Variants in ASIC2 observed in about 807,000 individuals in gnomAD.
ASIC2 encodes the protein acid sensing ion channel subunit 2, also known as acid-sensing ion channel 2.
Under a neutral mutation model 57.3 loss-of-function variants are expected in ASIC2, and 25 were observed. That is an observed-to-expected ratio of 0.44 (90% CI 0.32 to 0.61). The LOEUF (loss-of-function observed/expected upper bound fraction) is 0.61, where lower values mean the gene tolerates loss of function less well. Among genes scored for constraint, ASIC2 ranks in the 20% least tolerant of loss-of-function variants. The pLI, the probability that ASIC2 is intolerant of heterozygous loss-of-function variation, is 0.06. For missense variants in ASIC2, 641 were observed against 738.1 expected (o/e 0.87, Z 1.52); for synonymous variants, 319 against 307.5 (o/e 1.04, Z -0.39).
At chr17:33,304,888 A>C (rs1181697547) in intron 1 of ASIC2, among the ~76,000 whole-genome samples, 1 of 152,022 alleles carries the variant, frequency 6.6e-6, no homozygotes, top group African/African-American at 2.4e-5. Context: ...CCTTGGCTGG[A>C]TCTCCATAGC....
intron 1 of ASIC2, among the ~76,000 whole-genome samples, chr17:34,099,143 AG>A (rs1567820816): frequency 5.4e-4 from 11 of 20,184 alleles, no homozygotes; most frequent in African/African-American, 1.4e-3. Context: ...AGAGAGAGAG[AG>A]ACAGAGAGAG....
chr17:33,420,399 T>C (rs1165851598), intron 1 of ASIC2, among the ~76,000 whole-genome samples: 8 of 152,230 alleles, frequency 5.3e-5, no homozygotes. Context: ...TGTAAAATTT[T>C]GGTAGTGGAA....
At chr17:33,092,017 G>A (rs2141968352) in intron 2 of ASIC2, among the ~76,000 whole-genome samples, 1 of 152,282 alleles carries the variant, frequency 6.6e-6, no homozygotes, top group South Asian at 2.1e-4. Context: ...CCAGCTATGA[G>A]CAGACTACAG....
intron 1 of ASIC2, among the ~76,000 whole-genome samples, chr17:33,474,655 T>A (rs977891055): frequency 1.3e-5 from 2 of 152,138 alleles, no homozygotes; most frequent in Non-Finnish European, 2.9e-5. Context: ...CTTTCTTCCC[T>A]CTGACATTTT....
intron 1 of ASIC2, among the ~76,000 whole-genome samples, chr17:33,604,978 C>G (rs1295168658): frequency 6.6e-6 from 1 of 152,050 alleles, no homozygotes; most frequent in East Asian, 1.9e-4. Context: ...GGTTGTTCTA[C>G]TTCTATAATT....
chr17:33,409,602 C>T (rs551743574), intron 1 of ASIC2, among the ~76,000 whole-genome samples: 1 of 152,230 alleles, frequency 6.6e-6, no homozygotes, highest in Non-Finnish European at 1.5e-5. Flanking sequence ...CCAATTAATT[C>T]ATCCAGATCA....
intron 1 of ASIC2, among the ~76,000 whole-genome samples, chr17:33,458,840 C>A (rs899568499): frequency 3.3e-5 from 5 of 152,064 alleles, no homozygotes; most frequent in Non-Finnish European, 7.4e-5. Flanking sequence ...AACATAATAT[C>A]TTTAATTTTC....
intron 1 of ASIC2, among the ~76,000 whole-genome samples, chr17:33,266,928 G>A (rs1909485754): frequency 6.6e-6 from 1 of 152,168 alleles, no homozygotes; most frequent in Non-Finnish European, 1.5e-5. Flanking sequence ...ACTGCTTGGA[G>A]CGATTCGGGT....
chr17:33,899,601 T>C (rs996447474), intron 1 of ASIC2, among the ~76,000 whole-genome samples: 3 of 152,146 alleles, frequency 2.0e-5, no homozygotes, highest in Non-Finnish European at 2.9e-5. Flanking sequence ...GACGTGTGAT[T>C]ATGTGGACTA....
At position 33,643,147 on chromosome 17, in the gene ASIC2, T is replaced by TCC. The variant is rs71144893; in HGVS notation, c.555+512829_555+512830dup. Among the ~76,000 whole-genome samples, 686 of 149,862 alleles carry TCC rather than the reference T, an allele frequency of 4.6e-3. 1 individual carries two copies. The highest frequency in any genetic ancestry group is 0.014 in the Middle Eastern group (4 of 282). ...ATTTTATCATTCTCACATGCTCATT[T>TCC]CCCCCCCCCCACATTTGAACATCTC... is the stretch of plus-strand genomic sequence containing the variant. On this transcript the variant is annotated intron_variant, in intron 1 of 9. Transcript: ENST00000359872.
At chr17:33,563,691 C>G (rs934736389) in intron 1 of ASIC2, among the ~76,000 whole-genome samples, 2 of 152,118 alleles carry the variant, frequency 1.3e-5, no homozygotes, top group Admixed American at 6.5e-5. Context: ...GTTAAAGAAC[C>G]AGTGAGGGGC....
chr17:33,113,043 A>T (rs562192718), intron 1 of ASIC2, among the ~76,000 whole-genome samples: 4 of 152,260 alleles, frequency 2.6e-5, no homozygotes, highest in Admixed American at 2.0e-4. Flanking sequence ...ACGTCTGCTT[A>T]CTCATGCTTA....
intron 1 of ASIC2, among the ~76,000 whole-genome samples, chr17:33,789,795 G>A (rs968207254): frequency 1.2e-4 from 19 of 152,104 alleles, no homozygotes; most frequent in Non-Finnish European, 2.1e-4. Context: ...ACTTCTGTGC[G>A]TAGTTAAATG....
At chr17:33,784,208 T>C (rs1032160180) in intron 1 of ASIC2, among the ~76,000 whole-genome samples, 5 of 152,222 alleles carry the variant, frequency 3.3e-5, no homozygotes, top group Non-Finnish European at 4.4e-5. Flanking sequence ...CCAGTCCTGT[T>C]TTTTCATCTG....
rs577819856 is a variant in ASIC2, at chr17:33,653,968, T to C, written c.555+502010A>G. Among the ~76,000 whole-genome samples the C allele has an allele frequency of 2.0e-3, 308 of 152,348 alleles. 3 individuals are homozygous for C. Among genetic ancestry groups the C allele is most frequent in the Non-Finnish European group, 3.5e-3 (235 of 68,030 alleles). On this transcript the variant is annotated intron_variant, in intron 1 of 9. Coordinates refer to the ASIC2 transcript ENST00000359872. ...GCAAACATTATATTCTTTTTGCAGATGAGGAGACTGAAGTTTAGAAAGTGA... is the reference window on the plus strand; with the variant it reads ...GCAAACATTATATTCTTTTTGCAGACGAGGAGACTGAAGTTTAGAAAGTGA...
intron 1 of ASIC2, among the ~76,000 whole-genome samples, chr17:33,116,570 A>G (rs1054823922): frequency 3.9e-5 from 6 of 152,068 alleles, no homozygotes; most frequent in Non-Finnish European, 8.8e-5. Context: ...ACTTAGTTGG[A>G]TTGGTCTGTA....
At chr17:33,345,269 C>T (rs1907898403) in intron 1 of ASIC2, among the ~76,000 whole-genome samples, 1 of 152,162 alleles carries the variant, frequency 6.6e-6, no homozygotes. Flanking sequence ...GTGCATTTCT[C>T]CAATAAATAT....
chr17:33,592,974 T>G (rs1904869861), intron 1 of ASIC2, among the ~76,000 whole-genome samples: 1 of 152,194 alleles, frequency 6.6e-6, no homozygotes, highest in African/African-American at 2.4e-5. Flanking sequence ...CCCCTAGAGA[T>G]TCACGGGAGA....
chr17:33,902,072 T>G (rs1355940749), intron 1 of ASIC2, among the ~76,000 whole-genome samples: 1 of 152,052 alleles, frequency 6.6e-6, no homozygotes, highest in Non-Finnish European at 1.5e-5. Flanking sequence ...GTTCTCTCTA[T>G]CAATGCGCTT....
Sources: allele counts gnomAD v4.1 joint callset (sites outside exome capture counted in the v4.1 genomes callset), GRCh38; gene constraint gnomAD v4.1.1; transcripts MANE v1.5; gene names NCBI Gene and HGNC (gene_info 2026-07-23, HGNC 2026-07-21).